The following ARSG variants were observed in gnomAD, a reference collection of about 807,000 sequenced individuals.
The protein encoded by ARSG is arylsulfatase G, also known as ASG.
Under a neutral mutation model 50.5 loss-of-function variants are expected in ARSG, and 37 were observed. That is an observed-to-expected ratio of 0.73 (90% CI 0.56 to 0.96). ARSG has a LOEUF of 0.96. ARSG is among the 50% of genes least tolerant of loss of function. ARSG has a pLI of 0.00. For missense variants in ARSG, 629 were observed against 675.3 expected, an observed-to-expected ratio of 0.93 and a Z score of 0.76; for synonymous variants, 225 against 254.6, an observed-to-expected ratio of 0.88 and a Z score of 1.11.
At chr17:68,324,671 C>T (rs935919658) in intron 2 of ARSG, among the ~76,000 whole-genome samples, 1 of 152,210 alleles carries the variant, frequency 6.6e-6, no homozygotes, top group African/African-American at 2.4e-5. Context: ...GCTATTTAAA[C>T]TCTCTCTGCC....
intron 6 of ARSG, among the ~76,000 whole-genome samples, chr17:68,358,166 G>A (rs1331200910): frequency 6.6e-6 from 1 of 152,026 alleles, no homozygotes; most frequent in Non-Finnish European, 1.5e-5. Flanking sequence ...TTGTGTCACT[G>A]CATTCCAGCC....
intron 2 of ARSG, among the ~76,000 whole-genome samples, chr17:68,311,258 G>T (rs1422577004): frequency 6.6e-6 from 1 of 152,140 alleles, no homozygotes; most frequent in Non-Finnish European, 1.5e-5. Flanking sequence ...TGTGTGATGG[G>T]TTCATCCTGG....
At chr17:68,437,067 A>G in the ARSG span, among the ~76,000 whole-genome samples, 1 of 145,726 alleles carries the variant, frequency 6.9e-6, no homozygotes, top group Non-Finnish European at 1.5e-5. Context: ...ATTTTACCCC[A>G]GGACTCTGAA....
At chr17:68,328,136 C>T (rs1458079570) in intron 2 of ARSG, among the ~76,000 whole-genome samples, 3 of 152,028 alleles carry the variant, frequency 2.0e-5, no homozygotes, top group African/African-American at 4.8e-5. Context: ...GCAGCAGCAT[C>T]GAAATGCCAC....
intron 11 of ARSG, among the ~76,000 whole-genome samples, chr17:68,417,229 C>T (rs1000022114): frequency 2.0e-5 from 3 of 152,170 alleles, no homozygotes; most frequent in African/African-American, 7.2e-5. Flanking sequence ...AGCTGGGTAT[C>T]CCCCTACCCT....
At chr17:68,287,738 T>A (rs2075873093), upstream of ARSG, among the ~76,000 whole-genome samples, 1 of 152,150 alleles carries the variant, frequency 6.6e-6, no homozygotes, top group Admixed American at 6.5e-5. Context: ...TAAATTTAGC[T>A]TTGAAGATAA....
intron 1 of ARSG, chr17:68,268,303 G>A (rs1400581059): frequency 6.6e-6 from 1 of 152,362 alleles, no homozygotes; most frequent in Non-Finnish European, 1.5e-5. Context: ...ACATATTTCT[G>A]TATAACTAAA....
intron 8 of ARSG, chr17:68,379,899 A>G (rs1189137869): frequency 2.0e-6 from 2 of 978,814 alleles, no homozygotes; most frequent in Non-Finnish European, 2.4e-6. Context: ...CCTTGCTTGA[A>G]GCTTTATGTA....
chr17:68,410,829 G>A (rs1398526436), intron 11 of ARSG, among the ~76,000 whole-genome samples: 4 of 152,160 alleles, frequency 2.6e-5, no homozygotes, highest in South Asian at 2.1e-4. Flanking sequence ...CAGAGATTCA[G>A]CTTCTTCCTG....
chr17:68,322,425 G>A (rs781897318), intron 2 of ARSG, among the ~76,000 whole-genome samples: 10 of 152,052 alleles, frequency 6.6e-5, no homozygotes, highest in South Asian at 2.1e-4. Flanking sequence ...TCAAGAGATC[G>A]AGACCATCCT....
chr17:68,398,324 T>C (rs1841140467), intron 10 of ARSG, among the ~76,000 whole-genome samples: 1 of 152,236 alleles, frequency 6.6e-6, no homozygotes, highest in Non-Finnish European at 1.5e-5. Context: ...TGTATACATA[T>C]GCATATGTCC....
chr17:68,345,059 C>T (rs902238331), intron 3 of ARSG, among the ~76,000 whole-genome samples: 1 of 152,150 alleles, frequency 6.6e-6, no homozygotes, highest in Non-Finnish European at 1.5e-5. Context: ...TTTTCCAATC[C>T]CTTTCTTCCC....
At chr17:68,433,760 G>GTTTTTTTTTT in the ARSG span, among the ~76,000 whole-genome samples, 17 of 72,822 alleles carry the variant, frequency 2.3e-4, 3 homozygotes, top group African/African-American at 8.5e-4. Flanking sequence ...AAGGGTCATA[G>GTTTTTTTTTT]TTTTTTTTTT....
chr17:68,268,907 A>C (rs1252969624), intron 1 of ARSG: 2 of 1,375,406 alleles, frequency 1.5e-6, no homozygotes, highest in African/African-American at 2.9e-5. Flanking sequence ...CAAGCAAAAA[A>C]AAAAAGCTTA....
At chr17:68,375,465 G>A (rs531856734) in intron 8 of ARSG, among the ~76,000 whole-genome samples, 1 of 152,312 alleles carries the variant, frequency 6.6e-6, no homozygotes, top group Admixed American at 6.5e-5. Context: ...TCCTTTGGGC[G>A]ATAATGCAGG....
chr17:68,307,838 A>C, intron 2 of ARSG, 127 bp downstream of exon 2: 3 of 623,646 alleles, frequency 4.8e-6, no homozygotes, highest in Non-Finnish European at 8.5e-6. Flanking sequence ...TAATTTATTA[A>C]TTAATTTGGT....
At chr17:68,270,866 C>CTATG (rs1233498110) in intron 1 of ARSG, 1 of 1,613,696 alleles carries the variant, frequency 6.2e-7, no homozygotes, top group Non-Finnish European at 8.5e-7. Flanking sequence ...GCCAGTCCTG[C>CTATG]TATGCTCTGA....
chr17:68,329,387 C>A (rs1049209649), intron 2 of ARSG, among the ~76,000 whole-genome samples: 6 of 152,190 alleles, frequency 3.9e-5, no homozygotes, highest in African/African-American at 1.4e-4. Flanking sequence ...ATTTGTGCCC[C>A]TTTCCAAGGA....
intron 2 of ARSG, among the ~76,000 whole-genome samples, chr17:68,311,840 G>A (rs563735366): frequency 1.5e-5 from 2 of 135,788 alleles, no homozygotes; most frequent in South Asian, 2.3e-4. Context: ...TTGCTCTGTC[G>A]CCCAGGTTGG....
Sources: allele counts gnomAD v4.1 joint callset (sites outside exome capture counted in the v4.1 genomes callset), GRCh38; gene constraint gnomAD v4.1.1; transcripts MANE v1.5; gene names NCBI Gene and HGNC (gene_info 2026-07-23, HGNC 2026-07-21).